DDR2: variants seen among roughly 807,000 people sequenced by gnomAD.
The protein encoded by DDR2 is discoidin domain receptor tyrosine kinase 2.
Under a neutral mutation model 94.9 loss-of-function variants are expected in DDR2, and 27 were observed. The ratio of observed to expected loss-of-function variants is 0.28; its 90% confidence interval spans 0.21 to 0.39. The LOEUF (loss-of-function observed/expected upper bound fraction) is 0.39, where lower values mean the gene tolerates loss of function less well. Among genes scored for constraint, DDR2 ranks in the 10% least tolerant of loss-of-function variants. The pLI, the probability that DDR2 is intolerant of heterozygous loss-of-function variation, is 1.00. For synonymous variants in DDR2, 382 were observed against 377.2 expected (o/e 1.01, Z -0.15); for missense variants, 783 against 1,076.0 (o/e 0.73, Z 3.81).
intron 17 of DDR2, 36 bp downstream of exon 17, chr1:162,778,765 T>C (rs755185834): frequency 2.5e-6 from 4 of 1,613,318 alleles, no homozygotes; most frequent in Non-Finnish European, 3.4e-6. Context: ...TGTGGACCTG[T>C]GTACCTTGAA....
intron 2 of DDR2, among the ~76,000 whole-genome samples, chr1:162,706,046 G>A (rs1013352312): frequency 6.6e-6 from 1 of 152,194 alleles, no homozygotes; most frequent in African/African-American, 2.4e-5. Flanking sequence ...CTAAGTTTTG[G>A]GGAATAGGTG....
chr1:162,699,521 T>C (rs1337784212), intron 2 of DDR2, among the ~76,000 whole-genome samples: 1 of 152,058 alleles, frequency 6.6e-6, no homozygotes, highest in Non-Finnish European at 1.5e-5. Flanking sequence ...TTTTGAAGAG[T>C]ATGGAGTGTT....
chr1:162,644,589 C>T (rs911006303), intron 1 of DDR2, among the ~76,000 whole-genome samples: 3 of 126,608 alleles, frequency 2.4e-5, no homozygotes, highest in Admixed American at 9.6e-5. Flanking sequence ...ATATCTAGAT[C>T]CACATTATTT....
At chr1:162,710,499 T>C (rs1660851874) in intron 2 of DDR2, among the ~76,000 whole-genome samples, 2 of 152,328 alleles carry the variant, frequency 1.3e-5, no homozygotes, top group African/African-American at 4.8e-5. Flanking sequence ...GCTGTTTGTT[T>C]CTGTGTATGT....
rs192616116 is a variant in DDR2 at position 162,753,361 on chromosome 1, G to A, written c.185+164G>A. ...GCCTGTCCTGCTCTGTATGTTTTCA[G>A]GGAGAGAATTTAGGACTTAGCCACA... On this transcript the variant is annotated intron_variant, in intron 4 of 17. Transcript: ENST00000367921. Among the ~76,000 whole-genome samples, 126 of 152,314 alleles carry A rather than the reference G, an allele frequency of 8.3e-4. 1 individual carries two copies. The highest frequency in any genetic ancestry group is 2.9e-3 in the African/African-American group (121 of 41,572).
intron 1 of DDR2, among the ~76,000 whole-genome samples, chr1:162,645,335 G>C (rs776506598): frequency 3.6e-4 from 55 of 152,134 alleles, no homozygotes; most frequent in Non-Finnish European, 7.1e-4. Context: ...ATTAAAATAT[G>C]TATAATTTTA....
chr1:162,753,333 T>A, intron 4 of DDR2, 136 bp downstream of exon 4: 1 of 784,262 alleles, frequency 1.3e-6, no homozygotes, highest in Non-Finnish European at 2.2e-6. Context: ...AGACAGCAAG[T>A]GGGCCTGTCC....
At chr1:162,736,402 A>AT (rs1402854482) in intron 3 of DDR2, among the ~76,000 whole-genome samples, 18 of 152,290 alleles carry the variant, frequency 1.2e-4, no homozygotes, top group African/African-American at 4.3e-4. Context: ...CGAAGTCTTG[A>AT]TTTTCAAGGG....
chr1:162,710,225 G>A (rs1305890002), intron 2 of DDR2, among the ~76,000 whole-genome samples: 1 of 152,156 alleles, frequency 6.6e-6, no homozygotes, highest in African/African-American at 2.4e-5. Context: ...GAGATGGAGG[G>A]GAGCAAAGTA....
rs190211414 is a variant in DDR2, at chr1:162,691,267, A to T, written c.-27-27770A>T. Among the ~76,000 whole-genome samples, 5 of 152,300 alleles carry T rather than the reference A, an allele frequency of 3.3e-5. No homozygotes were observed. In the East Asian group the frequency reaches 9.7e-4, roughly 29 times the overall value. ...CCAGCCAGGTTGTAAAGATCTCTTG[A>T]GGACTGGGCTCTGGAAGGACTGGCC... On this transcript the variant is annotated intron_variant, in intron 2 of 17. Transcript: ENST00000367921.
chr1:162,642,579 C>T (rs1339459875), intron 1 of DDR2, among the ~76,000 whole-genome samples: 7 of 152,052 alleles, frequency 4.6e-5, no homozygotes, highest in African/African-American at 1.5e-4. Context: ...CGTGAGCCAC[C>T]GTGCCTGGCC....
chr1:162,679,855 T>C (rs1659319355), intron 2 of DDR2, among the ~76,000 whole-genome samples: 3 of 152,204 alleles, frequency 2.0e-5, no homozygotes, highest in Admixed American at 2.0e-4. Context: ...TATCTTATTA[T>C]GGTTTTGATT....
chr1:162,673,606 T>TGAGAGAGA (rs1459695070), intron 2 of DDR2, among the ~76,000 whole-genome samples: 7 of 101,056 alleles, frequency 6.9e-5, no homozygotes, highest in African/African-American at 3.5e-4. Flanking sequence ...TGTGTGTGTG[T>TGAGAGAGA]GTGAGAGAGA....
At chr1:162,698,287 G>T (rs1660279343) in intron 2 of DDR2, among the ~76,000 whole-genome samples, 1 of 152,182 alleles carries the variant, frequency 6.6e-6, no homozygotes, top group African/African-American at 2.4e-5. Flanking sequence ...AGCTGTTCAG[G>T]TAGACGCCCT....
Position 162,780,288 on chromosome 1 carries a change from C to A in DDR2, c.*42C>A, listed in dbSNP as rs886045498. 9.3e-6 allele frequency: 15 copies of A among 1,612,884 alleles called. No individual in the cohort carries two copies. The highest frequency in any genetic ancestry group is 1.3e-5 in the Non-Finnish European group (15 of 1,179,486). On this transcript the variant is annotated 3_prime_UTR_variant, in exon 18 of 18. Coordinates refer to ENST00000367921, the MANE Select transcript of DDR2 (RefSeq NM_006182.4). Reference sequence around the variant, plus strand: ...CCATGTTCCTACGGCTCAGGTCCTCCCTACAAGACCTACCACTCACCCATG... The same window carrying A: ...CCATGTTCCTACGGCTCAGGTCCTCACTACAAGACCTACCACTCACCCATG...
chr1:162,674,078 G>T (rs911760529), intron 2 of DDR2, among the ~76,000 whole-genome samples: 1 of 152,052 alleles, frequency 6.6e-6, no homozygotes, highest in Non-Finnish European at 1.5e-5. Flanking sequence ...ATTTCTACTT[G>T]GATGATTTAC....
intron 2 of DDR2, among the ~76,000 whole-genome samples, chr1:162,677,419 T>G (rs555976631): frequency 3.3e-5 from 5 of 152,328 alleles, no homozygotes; most frequent in South Asian, 2.1e-4. Context: ...TCAATGGATT[T>G]AATAGCTGAT....
At position 162,749,042 on chromosome 1, in the gene DDR2, A is replaced by G. The variant is rs865987309; in HGVS notation, c.83-4053A>G. 7.9e-5 allele frequency among the ~76,000 whole-genome samples: 12 copies of G among 152,266 alleles called. 1 individual carries two copies. The highest frequency in any genetic ancestry group is 4.1e-4 in the South Asian group (2 of 4,834). ...GAAATTTATAGCACTAAATGCCCAC[A>G]AGAGAAAGCAGAAAAGATCTAAAAT... On this transcript the variant is annotated intron_variant, in intron 3 of 17. Transcript: ENST00000367921.
intron 2 of DDR2, among the ~76,000 whole-genome samples, chr1:162,699,502 G>C (rs888669498): frequency 3.3e-5 from 5 of 152,196 alleles, no homozygotes; most frequent in Non-Finnish European, 5.9e-5. Flanking sequence ...TGAGTGTCAT[G>C]AACATTGGTT....
Sources: gnomAD v4.1 joint callset for allele counts (sites outside exome capture counted in the v4.1 genomes callset) on GRCh38, gnomAD v4.1.1 for gene constraint, MANE v1.5 for transcripts, NCBI Gene and HGNC (gene_info 2026-07-23, HGNC 2026-07-21) for gene names.